The following ELL variants were observed in gnomAD, a reference collection of about 807,000 sequenced individuals.
ELL encodes RNA polymerase II elongation factor ELL.
In ELL, 18 loss-of-function variants were observed where a neutral mutation model predicts 64.0. The observed-to-expected ratio is 0.28, with a 90% CI of 0.19 to 0.42. ELL has a LOEUF of 0.42. Ranked by LOEUF, ELL falls within the 10% of genes least tolerant of loss-of-function variation. The pLI is 1.00. For synonymous variants in ELL, 399 were observed against 376.2 expected, an observed-to-expected ratio of 1.06 and a Z score of -0.70; for missense variants, 797 against 870.4, an observed-to-expected ratio of 0.92 and a Z score of 1.06.
intron 1 of ELL, among the ~76,000 whole-genome samples, chr19:18,519,187 G>A (rs62123874): frequency 6.7e-6 from 1 of 148,812 alleles, no homozygotes; most frequent in Non-Finnish European, 1.5e-5. Context: ...ACGAAAAATC[G>A]CACCACTGCA....
intron 1 of ELL, among the ~76,000 whole-genome samples, chr19:18,510,410 G>C (rs913912916): frequency 6.6e-6 from 1 of 152,158 alleles, no homozygotes; most frequent in African/African-American, 2.4e-5. Context: ...ACACAGGCCG[G>C]GCAACCGCAC....
chr19:18,449,780 C>G lies in ELL; in HGVS notation c.1465+697G>C, dbSNP rs188158034. 6.6e-6 allele frequency among the ~76,000 whole-genome samples: 1 copy of G among 152,250 alleles called. No homozygotes were observed. Among genetic ancestry groups the G allele is most frequent in the Non-Finnish European group, 1.5e-5 (1 of 68,042 alleles). ...ACATGGTGGTGGAACAGCCGCTGCA[C>G]GCTGGCCACTGCTTCTGCTGGTTCC... On this transcript the variant is annotated intron_variant, in intron 8 of 11. Coordinates refer to ENST00000262809, the MANE Select transcript of ELL (RefSeq NM_006532.4). This position sits in a 1 kb window ranked among gnomAD's most constrained non-coding sequence, Gnocchi z 4.4.
chr19:18,462,870 C>T (rs1194531760), intron 4 of ELL, among the ~76,000 whole-genome samples: 5 of 152,140 alleles, frequency 3.3e-5, no homozygotes, highest in African/African-American at 1.2e-4. Context: ...CCCTGAGGTG[C>T]AAGTGGCACC....
intron 3 of ELL, 72 bp downstream of exon 3, chr19:18,465,725 C>G: frequency 6.9e-7 from 1 of 1,442,366 alleles, no homozygotes; most frequent in Non-Finnish European, 9.2e-7. Flanking sequence ...GGGCACATCT[C>G]AACCCTGGGC....
intron 4 of ELL, 39 bp from the exon 5 acceptor site, chr19:18,461,891 G>T: frequency 6.3e-7 from 1 of 1,586,638 alleles, no homozygotes; most frequent in Non-Finnish European, 8.6e-7. Context: ...CAGAGAGGGC[G>T]CTGCCGTGTC....
rs749629025 is a variant in ELL, at chr19:18,472,826, A to C, written c.183+9T>G. 1 of 1,609,196 alleles carries C rather than the reference A, an allele frequency of 6.2e-7. No homozygotes were observed. Among genetic ancestry groups the C allele is most frequent in the Non-Finnish European group, 8.5e-7 (1 of 1,178,508 alleles). On this transcript the variant is annotated intron_variant, in intron 2 of 11. Transcript: ENST00000262809. Reference sequence around the variant, plus strand: ...ATTCCAAATATGAATGATTAAGACAAAAACTTACCCCTTGGCTTCCTTGAA... The same window carrying C: ...ATTCCAAATATGAATGATTAAGACACAAACTTACCCCTTGGCTTCCTTGAA...
At chr19:18,491,848 T>C (rs957189251) in intron 1 of ELL, among the ~76,000 whole-genome samples, 8 of 151,638 alleles carry the variant, frequency 5.3e-5, no homozygotes, top group African/African-American at 1.9e-4. Context: ...GCCTGGGAGG[T>C]TGAGATTGCA....
At chr19:18,456,071 T>G (rs1447140010) in intron 6 of ELL, among the ~76,000 whole-genome samples, 1 of 147,476 alleles carries the variant, frequency 6.8e-6, no homozygotes, top group South Asian at 2.1e-4. Context: ...CACTCCAGCC[T>G]GGGCAACAAG....
In ELL at chr19:18,446,767, C is replaced by T. The variant is rs1258625299; in HGVS notation, c.1513G>A (p.Glu505Lys). 3 of 1,614,040 alleles carry T rather than the reference C, an allele frequency of 1.9e-6. No individual in the cohort carries two copies. The highest frequency in any genetic ancestry group is 2.5e-6 in the Non-Finnish European group (3 of 1,180,018). ...SVSSVPTSTS[E>K]TPDYLLKYAA... ...ACTCACAGCAAGTAGTCAGGCGTCT[C>T]CGACGTGGACGTGGGAACACTGGAA... is the stretch of plus-strand genomic sequence containing the variant. The change falls in exon 9 of 12, where the codon GAG becomes AAG. Residue 505 changes from glutamate (E) to lysine (K), a missense_variant. Physicochemically the swap from Glu to Lys is moderately conservative, Grantham distance 56 (BLOSUM62 1). Transcript: ENST00000262809.
chr19:18,504,921 G>A (rs1192203739), intron 1 of ELL, among the ~76,000 whole-genome samples: 1 of 152,242 alleles, frequency 6.6e-6, no homozygotes, highest in Non-Finnish European at 1.5e-5. Context: ...CTGGGGATGT[G>A]TGATGCCTGC....
At chr19:18,484,687 G>A (rs1266606816) in intron 1 of ELL, among the ~76,000 whole-genome samples, 1 of 152,160 alleles carries the variant, frequency 6.6e-6, no homozygotes, top group Non-Finnish European at 1.5e-5. Context: ...GGAAGCACAT[G>A]AGGCTTCACA....
chr19:18,444,878 A>G lies in ELL; in HGVS notation c.1750-10T>C. 1 of 1,609,610 alleles carries G rather than the reference A, an allele frequency of 6.2e-7. No individual in the cohort carries two copies. The highest frequency in any genetic ancestry group is 8.5e-7 in the Non-Finnish European group (1 of 1,179,070). Reference sequence around the variant, plus strand: ...TGTAGTTGGTGTTGGTCTGTGGGACAGCACAGTCATGCTCAGGACAGAGCC... The same window carrying G: ...TGTAGTTGGTGTTGGTCTGTGGGACGGCACAGTCATGCTCAGGACAGAGCC... On this transcript the variant is annotated splice_polypyrimidine_tract_variant and intron_variant, in intron 11 of 11. Transcript: ENST00000262809.
At position 18,443,069 on chromosome 19, in the gene ELL, C is replaced by T. The variant is rs931108513; in HGVS notation, c.*1683G>A. The T allele has an allele frequency of 4.3e-5, 10 of 232,372 alleles. No homozygotes were observed. The highest frequency in any genetic ancestry group is 1.2e-4 in the East Asian group (2 of 16,484). 14.4% of individuals were successfully genotyped at this position (232,372 alleles called of 1,614,324 possible). A position where few individuals can be genotyped will look rare whatever the true frequency, so the allele number is the denominator to read the frequency against. Reference sequence around the variant, plus strand: ...TGGACTGGTTCCCAGGGCAGAGGGGCGGGCAGTCCCGGGCTGGGACCTCCT... The same window carrying T: ...TGGACTGGTTCCCAGGGCAGAGGGGTGGGCAGTCCCGGGCTGGGACCTCCT... On this transcript the variant is annotated 3_prime_UTR_variant, in exon 12 of 12. Transcript: ENST00000262809.
rs138156804 is a variant in ELL, at chr19:18,450,505, G to A, written c.1437C>T (p.Ala479=). 1 of 1,613,034 alleles carries A rather than the reference G, an allele frequency of 6.2e-7. No individual in the cohort carries two copies. The highest frequency in any genetic ancestry group is 1.3e-5 in the African/African-American group (1 of 74,942). Residue 479 remains alanine (A), a synonymous_variant, in exon 8 of 12, where the codon GCC becomes GCT. Coordinates refer to ENST00000262809, the MANE Select transcript of ELL (RefSeq NM_006532.4). ...QLPDCAPATH[A]TPGAPADTPG... ...GGGTGTCTGCTGGGGCTCCGGGGGT[G>A]GCATGGGTGGCAGGTGCACAGTCTG...
chr19:18,453,851 G>A (rs917116022), intron 6 of ELL, among the ~76,000 whole-genome samples: 6 of 152,198 alleles, frequency 3.9e-5, no homozygotes, highest in Non-Finnish European at 8.8e-5. Flanking sequence ...TTATAGGCAT[G>A]AGCCACCACG....
intron 1 of ELL, among the ~76,000 whole-genome samples, chr19:18,520,770 G>A (rs1364062091): frequency 6.7e-6 from 1 of 148,404 alleles, no homozygotes; most frequent in East Asian, 2.0e-4. Context: ...AGGGAGCAGG[G>A]CTCTCTGAGC....
intron 2 of ELL, chr19:18,472,605 TG>T: frequency 1.9e-6 from 1 of 538,030 alleles, no homozygotes; most frequent in Non-Finnish European, 3.2e-6. Context: ...AGGGAGCCAC[TG>T]GGAGAGGAGA....
chr19:18,475,280 T>A (rs557509037), intron 1 of ELL, among the ~76,000 whole-genome samples: 42 of 152,000 alleles, frequency 2.8e-4, no homozygotes, highest in East Asian at 7.7e-4. Context: ...AAAAATATTT[T>A]AAAAAATAAA....
At chr19:18,495,396 G>C (rs554010998) in intron 1 of ELL, among the ~76,000 whole-genome samples, 8 of 152,178 alleles carry the variant, frequency 5.3e-5, no homozygotes, top group African/African-American at 1.7e-4. Context: ...AAAAGCCCAA[G>C]CAGGAGTTGG....
Sources: allele counts gnomAD v4.1 joint callset (sites outside exome capture counted in the v4.1 genomes callset), GRCh38; gene constraint gnomAD v4.1.1; non-coding constraint Gnocchi (gnomAD v3.1); transcripts MANE v1.5; gene names NCBI Gene and HGNC (gene_info 2026-07-23, HGNC 2026-07-21).